Variants in CDC23 observed in about 807,000 individuals in gnomAD.
CDC23 encodes cell division cycle 23.
Under a neutral mutation model 81.7 loss-of-function variants are expected in CDC23, and 26 were observed. The observed-to-expected ratio is 0.32, with a 90% confidence interval of 0.23 to 0.44. The LOEUF is 0.44. Among genes scored for constraint, CDC23 ranks in the 20% least tolerant of loss-of-function variants. The pLI is 1.00. For synonymous variants in CDC23, 267 were observed against 270.8 expected, an observed-to-expected ratio of 0.99 and a Z score of 0.14; for missense variants, 519 against 728.0, an observed-to-expected ratio of 0.71 and a Z score of 3.30.
chr5:138,200,730 G>A (rs1754978374), intron 6 of CDC23, among the ~76,000 whole-genome samples: 1 of 152,126 alleles, frequency 6.6e-6, no homozygotes, highest in South Asian at 2.1e-4. Context: ...TGAGGCAGAA[G>A]AATTGCTTGA....
intron 2 of CDC23, among the ~76,000 whole-genome samples, chr5:138,208,737 T>C (rs1018989163): frequency 9.2e-5 from 14 of 152,224 alleles, no homozygotes; most frequent in Non-Finnish European, 2.1e-4. Context: ...GGGAAGAATC[T>C]GGAATGTTCT....
chr5:138,202,275 C>A, intron 3 of CDC23, 120 bp from the exon 4 acceptor site: 2 of 663,736 alleles, frequency 3.0e-6, no homozygotes, highest in South Asian at 3.9e-5. Flanking sequence ...GACTTTTGGT[C>A]ATTATTTATT....
At chr5:138,198,573 C>G in intron 7 of CDC23, 32 bp downstream of exon 7, 1 of 1,613,182 alleles carries the variant, frequency 6.2e-7, no homozygotes, top group East Asian at 2.2e-5. Flanking sequence ...CTGTCAGGGT[C>G]TGATAGTATT....
At chr5:138,211,826 T>A (rs906370762) in intron 2 of CDC23, among the ~76,000 whole-genome samples, 6 of 152,076 alleles carry the variant, frequency 3.9e-5, no homozygotes, top group Non-Finnish European at 8.8e-5. Context: ...CAAAAACAAT[T>A]ATTTATCCTA....
At chr5:138,207,129 C>T (rs555010042) in intron 2 of CDC23, among the ~76,000 whole-genome samples, 25 of 152,162 alleles carry the variant, frequency 1.6e-4, no homozygotes, top group Admixed American at 5.9e-4. Flanking sequence ...ATCTGCCTGC[C>T]TCGGCTTCCC....
rs199790979 is a variant in CDC23, at chr5:138,213,280, A to T, written c.33T>A (p.Ala11=). The T allele has an allele frequency of 2.5e-6, 4 of 1,614,032 alleles. No homozygotes were observed. The Admixed American group carries it at 5.0e-5, about 20-fold the overall frequency. The change falls in exon 1 of 16, where the codon GCT becomes GCA. Residue 11 remains alanine (A), a synonymous_variant. Transcript: ENST00000394886. Reference sequence around the variant, plus strand: ...GGACAGGCGCCACTGCCGCCGTCACAGCCACCGGGACCATGGAGGTACTCG... The same window carrying T: ...GGACAGGCGCCACTGCCGCCGTCACTGCCACCGGGACCATGGAGGTACTCG... MAASTSMVPV[A]VTAAVAPVLS...
intron 2 of CDC23, among the ~76,000 whole-genome samples, chr5:138,207,087 C>T (rs2126589191): frequency 6.6e-6 from 1 of 152,070 alleles, no homozygotes; most frequent in East Asian, 1.9e-4. Flanking sequence ...GCCATGTTGG[C>T]CAGGCTGGTC....
intron 9 of CDC23, among the ~76,000 whole-genome samples, chr5:138,197,261 G>A (rs1195095971): frequency 1.5e-5 from 2 of 132,992 alleles, no homozygotes; most frequent in East Asian, 2.2e-4. Flanking sequence ...AGCCAATGGC[G>A]CCACTGCACT....
chr5:138,208,123 G>A (rs1755073479), intron 2 of CDC23, among the ~76,000 whole-genome samples: 1 of 151,898 alleles, frequency 6.6e-6, no homozygotes, highest in Non-Finnish European at 1.5e-5. Flanking sequence ...CACCATGCCT[G>A]GCTAATTTTT....
chr5:138,210,030 A>G (rs977254578), intron 2 of CDC23, among the ~76,000 whole-genome samples: 22 of 152,084 alleles, frequency 1.4e-4, no homozygotes, highest in African/African-American at 4.6e-4. Flanking sequence ...CCTGGCCAAC[A>G]TGGTGAAACC....
chr5:138,195,710 TATA>T (rs1754888453), intron 9 of CDC23, among the ~76,000 whole-genome samples: 1 of 65,094 alleles, frequency 1.5e-5, no homozygotes, highest in East Asian at 3.8e-4. Context: ...CATATATACA[TATA>T]ATATATATGT....
chr5:138,193,485 A>T (rs1754848365), intron 9 of CDC23, among the ~76,000 whole-genome samples: 1 of 152,118 alleles, frequency 6.6e-6, no homozygotes, highest in South Asian at 2.1e-4. Flanking sequence ...AGTCCCAGCT[A>T]CTCAGGAAGC....
At chr5:138,190,537 G>A (rs566344357) in intron 13 of CDC23, among the ~76,000 whole-genome samples, 4 of 152,102 alleles carry the variant, frequency 2.6e-5, no homozygotes, top group Admixed American at 6.6e-5. Context: ...GCCAAGGCGG[G>A]TGGGTCATCA....
chr5:138,207,673 C>A (rs1276798785), intron 2 of CDC23, among the ~76,000 whole-genome samples: 1 of 152,062 alleles, frequency 6.6e-6, no homozygotes, highest in Non-Finnish European at 1.5e-5. Context: ...TAAAAACATA[C>A]AATCCTTGGC....
intron 13 of CDC23, among the ~76,000 whole-genome samples, chr5:138,190,994 A>G (rs938332993): frequency 5.3e-5 from 8 of 152,204 alleles, no homozygotes; most frequent in Non-Finnish European, 1.2e-4. Context: ...TCTGGCCCTT[A>G]GCAGGAAATT....
intron 9 of CDC23, among the ~76,000 whole-genome samples, chr5:138,195,771 T>C (rs1754895503): frequency 8.4e-6 from 1 of 118,806 alleles, no homozygotes; most frequent in Non-Finnish European, 1.6e-5. Flanking sequence ...ATATTATATA[T>C]GTGTATATAT....
chr5:138,201,591 TC>T, intron 4 of CDC23, 143 bp from the exon 5 acceptor site: 2 of 608,816 alleles, frequency 3.3e-6, no homozygotes, highest in Middle Eastern at 4.4e-4. Flanking sequence ...AAGTGATCCT[TC>T]CGCCTCAGAC....
At position 138,198,790 on chromosome 5, in the gene CDC23, C is replaced by A. The variant is rs376586666; in HGVS notation, c.655-8G>T. The A allele has an allele frequency of 1.7e-4, 282 of 1,612,750 alleles. 2 individuals are homozygous for A. The highest frequency in any genetic ancestry group is 1.1e-3 in the South Asian group (102 of 90,756). On this transcript the variant is annotated splice_region_variant and splice_polypyrimidine_tract_variant and intron_variant, in intron 6 of 15. Transcript: ENST00000394886. ...CAAAGACAGGAACTTCAGCTGGCAG[C>A]AGGAGAGAGAGGGACACACTTAATA...
chr5:138,202,936 G>A (rs1305084596), intron 3 of CDC23, among the ~76,000 whole-genome samples: 1 of 152,180 alleles, frequency 6.6e-6, no homozygotes, highest in Non-Finnish European at 1.5e-5. Flanking sequence ...TATCCGCACA[G>A]ACTGTTGATG....
Sources: gnomAD v4.1 joint callset for allele counts (sites outside exome capture counted in the v4.1 genomes callset) on GRCh38, gnomAD v4.1.1 for gene constraint, MANE v1.5 for transcripts, NCBI Gene and HGNC (gene_info 2026-07-23, HGNC 2026-07-21) for gene names.